The following PICALM variants were observed in gnomAD, a reference collection of about 807,000 sequenced individuals.
PICALM encodes phosphatidylinositol-binding clathrin assembly protein.
Under a neutral mutation model 80.5 loss-of-function variants are expected in PICALM, and 40 were observed. That is an observed-to-expected ratio of 0.50 (90% CI 0.39 to 0.65). The LOEUF (loss-of-function observed/expected upper bound fraction) is 0.65. Ranked by LOEUF, PICALM falls within the 30% of genes least tolerant of loss-of-function variation. The pLI, the probability that PICALM is intolerant of heterozygous loss-of-function variation, is 0.00. For missense variants in PICALM, 676 were observed against 778.9 expected (o/e 0.87, Z 1.57); for synonymous variants, 288 against 260.3 (o/e 1.11, Z -1.02).
At chr11:85,969,916 A>G (rs970392364) in intron 19 of PICALM, among the ~76,000 whole-genome samples, 1 of 152,234 alleles carries the variant, frequency 6.6e-6, no homozygotes, top group Admixed American at 6.5e-5. Context: ...TTAGCTCACC[A>G]TAACTATTAG....
At chr11:86,044,403 C>T (rs147855579) in intron 1 of PICALM, among the ~76,000 whole-genome samples, 4 of 152,300 alleles carry the variant, frequency 2.6e-5, no homozygotes, top group African/African-American at 9.6e-5. Flanking sequence ...CATGTCTGCT[C>T]CACCTGTGCC....
chr11:86,044,775 T>A (rs1376052072), intron 1 of PICALM, among the ~76,000 whole-genome samples: 1 of 152,182 alleles, frequency 6.6e-6, no homozygotes, highest in Non-Finnish European at 1.5e-5. Context: ...TAGATTCTCA[T>A]AGGAGCGCGA....
intron 19 of PICALM, among the ~76,000 whole-genome samples, chr11:85,966,673 A>T (rs1204549936): frequency 6.6e-6 from 1 of 152,170 alleles, no homozygotes; most frequent in African/African-American, 2.4e-5. Context: ...ATTTGACCCT[A>T]CTTGGAAACA....
At chr11:86,003,021 A>T (rs1035358218) in intron 9 of PICALM, among the ~76,000 whole-genome samples, 1 of 151,456 alleles carries the variant, frequency 6.6e-6, no homozygotes, top group Non-Finnish European at 1.5e-5. Flanking sequence ...CGGGGGAAGA[A>T]AAAAAAAATG....
chr11:86,004,822 A>G (rs2095242829), intron 8 of PICALM, among the ~76,000 whole-genome samples: 1 of 152,192 alleles, frequency 6.6e-6, no homozygotes, highest in African/African-American at 2.4e-5. Flanking sequence ...AGCCCAAGGG[A>G]GACACAGTAG....
chr11:86,035,652 T>G (rs868127484), intron 1 of PICALM, among the ~76,000 whole-genome samples: 2 of 151,960 alleles, frequency 1.3e-5, no homozygotes, highest in African/African-American at 4.8e-5. Context: ...TCTAGAAAAC[T>G]GGAGATACGG....
At chr11:86,016,432 T>C (rs554420592) in intron 4 of PICALM, among the ~76,000 whole-genome samples, 3 of 152,352 alleles carry the variant, frequency 2.0e-5, no homozygotes, top group Admixed American at 6.5e-5. Context: ...GAAACTTCAA[T>C]GTTTCAACTC....
intron 4 of PICALM, among the ~76,000 whole-genome samples, chr11:86,022,104 C>CATCT (rs1370698639): frequency 2.0e-5 from 3 of 152,030 alleles, no homozygotes; most frequent in Non-Finnish European, 4.4e-5. Flanking sequence ...TGTTGGACAA[C>CATCT]TTTGTAAATA....
At chr11:86,067,653 AT>A (rs1350342652) in intron 1 of PICALM, among the ~76,000 whole-genome samples, 7 of 152,162 alleles carry the variant, frequency 4.6e-5, no homozygotes, top group East Asian at 1.9e-4. Flanking sequence ...CATTTTGCCA[AT>A]TTTTTTAAGG....
chr11:86,062,578 A>G (rs564813914), intron 1 of PICALM, among the ~76,000 whole-genome samples: 2 of 152,194 alleles, frequency 1.3e-5, no homozygotes, highest in Non-Finnish European at 2.9e-5. Flanking sequence ...GTCTGAATGT[A>G]GGTCCATCAA....
chr11:86,063,635 G>A (rs1213705174), intron 1 of PICALM, among the ~76,000 whole-genome samples: 1 of 152,012 alleles, frequency 6.6e-6, no homozygotes, highest in Non-Finnish European at 1.5e-5. Context: ...GTTCTGCCAT[G>A]GCGACAGAAA....
chr11:85,963,565 T>C (rs1259893975), intron 19 of PICALM, among the ~76,000 whole-genome samples: 3 of 152,174 alleles, frequency 2.0e-5, no homozygotes, highest in Non-Finnish European at 2.9e-5. Flanking sequence ...TTCTCATGTA[T>C]AGAAAAATGA....
At chr11:86,065,204 T>C (rs1250908076) in intron 1 of PICALM, among the ~76,000 whole-genome samples, 2 of 152,032 alleles carry the variant, frequency 1.3e-5, no homozygotes, top group Non-Finnish European at 2.9e-5. Context: ...TCCCAGCCCT[T>C]TGGGAGGCCG....
intron 11 of PICALM, among the ~76,000 whole-genome samples, chr11:85,999,872 C>T (rs1325646162): frequency 2.0e-5 from 3 of 152,182 alleles, no homozygotes; most frequent in Non-Finnish European, 4.4e-5. Flanking sequence ...TTCTTGGGCC[C>T]CAGGCCCCAC....
At chr11:85,996,672 C>T (rs1468577256) in intron 12 of PICALM, among the ~76,000 whole-genome samples, 154 bp downstream of exon 12, 1 of 152,100 alleles carries the variant, frequency 6.6e-6, no homozygotes, top group Non-Finnish European at 1.5e-5. Context: ...AATAAATGAA[C>T]ATACCTTCAA....
At chr11:86,014,249 G>A (rs948774902) in intron 5 of PICALM, among the ~76,000 whole-genome samples, 1 of 152,118 alleles carries the variant, frequency 6.6e-6, no homozygotes, top group Non-Finnish European at 1.5e-5. Context: ...TCACTAACTT[G>A]CACTCACAAT....
chr11:85,963,050 G>A (rs2093742823), intron 19 of PICALM, among the ~76,000 whole-genome samples: 1 of 152,200 alleles, frequency 6.6e-6, no homozygotes, highest in Admixed American at 6.5e-5. Context: ...TAGGTGAGAA[G>A]TAGGAGAATT....
intron 17 of PICALM, among the ~76,000 whole-genome samples, chr11:85,980,017 T>C (rs1448350336): frequency 2.0e-5 from 3 of 152,200 alleles, no homozygotes; most frequent in Non-Finnish European, 4.4e-5. Context: ...ATTATTTAAT[T>C]AGAAAATACA....
chr11:85,999,094 A>T (rs11819899), intron 11 of PICALM, among the ~76,000 whole-genome samples: 3,113 of 152,332 alleles, frequency 0.02, 116 homozygotes, highest in African/African-American at 0.071. Flanking sequence ...TGTGTTGAGA[A>T]CATTCTAAAT....
Sources: allele counts gnomAD v4.1 joint callset (sites outside exome capture counted in the v4.1 genomes callset), GRCh38; gene constraint gnomAD v4.1.1; transcripts MANE v1.5; gene names NCBI Gene and HGNC (gene_info 2026-07-23, HGNC 2026-07-21).